Variants in RAB3GAP1 observed in about 807,000 individuals in gnomAD.
RAB3GAP1 encodes the protein RAB3 GTPase activating protein catalytic subunit 1.
A neutral mutation model predicts 130.7 loss-of-function variants in RAB3GAP1; 86 were observed. The observed-to-expected ratio is 0.66, with a 90% CI of 0.55 to 0.79. The LOEUF (loss-of-function observed/expected upper bound fraction) is 0.79, where lower values mean the gene tolerates loss of function less well. RAB3GAP1 is among the 30% of genes least tolerant of loss of function. The probability of loss-of-function intolerance (pLI) is 0.00; values close to 1 mark genes in which losing one functional copy is unlikely to be tolerated. For synonymous variants in RAB3GAP1, 367 were observed against 401.7 expected (o/e 0.91, Z 1.03); for missense variants, 1,029 against 1,169.4 (o/e 0.88, Z 1.75).
At position 135,151,414 on chromosome 2, in the gene RAB3GAP1, A is replaced by G. The variant is rs535001575; in HGVS notation, c.2061+908A>G. 1.8e-4 allele frequency among the ~76,000 whole-genome samples: 27 copies of G among 152,300 alleles called. No individual in the cohort carries two copies. The South Asian group carries it at 5.4e-3, about 30-fold the overall frequency. On this transcript the variant is annotated intron_variant, in intron 18 of 23. Coordinates refer to ENST00000264158, the MANE Select transcript of RAB3GAP1 (RefSeq NM_012233.3). Reference sequence around the variant, plus strand: ...TGATTTTTCTCTGAAACACCTGTGTATTATTTTTAAACATAAACACTCCAC... The same window carrying G: ...TGATTTTTCTCTGAAACACCTGTGTGTTATTTTTAAACATAAACACTCCAC...
At chr2:135,113,835 G>T (rs1047099082) in intron 6 of RAB3GAP1, among the ~76,000 whole-genome samples, 1 of 152,006 alleles carries the variant, frequency 6.6e-6, no homozygotes, top group African/African-American at 2.4e-5. Flanking sequence ...CACCTCCTGA[G>T]TTCAAGCGAC....
At chr2:135,060,321 A>G (rs929775372) in intron 3 of RAB3GAP1, among the ~76,000 whole-genome samples, 1 of 142,264 alleles carries the variant, frequency 7.0e-6, no homozygotes, top group Non-Finnish European at 1.5e-5. Flanking sequence ...GTGCAGTGAC[A>G]TGATCTCAGC....
intron 2 of RAB3GAP1, among the ~76,000 whole-genome samples, chr2:135,054,792 G>A (rs1179909295): frequency 6.6e-6 from 1 of 152,140 alleles, no homozygotes; most frequent in East Asian, 1.9e-4. Context: ...ACCGTTATAA[G>A]AACTATTGCA....
intron 2 of RAB3GAP1, among the ~76,000 whole-genome samples, chr2:135,054,784 C>T (rs1030289731): frequency 5.9e-5 from 9 of 152,000 alleles, no homozygotes; most frequent in Admixed American, 2.0e-4. Flanking sequence ...TTATTAACAC[C>T]GTTATAAGAA....
intron 5 of RAB3GAP1, among the ~76,000 whole-genome samples, chr2:135,103,034 G>GCTTTTTTTT (rs1355666279): frequency 1.0e-5 from 1 of 100,462 alleles, no homozygotes; most frequent in African/African-American, 6.8e-5. Context: ...TCATTTTTGT[G>GCTTTTTTTT]ATTTTTTTTT....
At chr2:135,140,187 A>G (rs868471940) in intron 17 of RAB3GAP1, among the ~76,000 whole-genome samples, 58 of 152,218 alleles carry the variant, frequency 3.8e-4, no homozygotes, top group African/African-American at 1.4e-3. Context: ...GCTAATATGA[A>G]TAAAGCTGCT....
At chr2:135,155,093 C>G (rs1429683944) in intron 19 of RAB3GAP1, among the ~76,000 whole-genome samples, 2 of 152,044 alleles carry the variant, frequency 1.3e-5, no homozygotes, top group African/African-American at 4.8e-5. Flanking sequence ...CAAACTGAAT[C>G]AGATATCCTC....
chr2:135,162,862 T>C lies in RAB3GAP1; in HGVS notation c.2490+11T>C. ...GACAAGAAATTGGAAGTAAGTTTGA[T>C]GTAGTGTCAGAATCTTGCCAAGTGT... On this transcript the variant is annotated intron_variant, in intron 21 of 23. Transcript: ENST00000264158. 1 of 1,602,138 alleles carries C rather than the reference T, an allele frequency of 6.2e-7. No individual in the cohort carries two copies. Among genetic ancestry groups the C allele is most frequent in the Non-Finnish European group, 8.6e-7 (1 of 1,169,128 alleles).
chr2:135,124,082 GC>G, intron 8 of RAB3GAP1, 82 bp from the exon 9 acceptor site: 1 of 1,312,534 alleles, frequency 7.6e-7, no homozygotes, highest in East Asian at 2.3e-5. Flanking sequence ...CACTTTTAAA[GC>G]TATGATATTC....
intron 3 of RAB3GAP1, among the ~76,000 whole-genome samples, chr2:135,081,351 TATATATATATACACAC>T (rs1689808593): frequency 1.1e-5 from 1 of 94,662 alleles, no homozygotes; most frequent in South Asian, 4.7e-4. Flanking sequence ...TATATATATA[TATATATATATACACAC>T]ACGTGTGTGT....
intron 5 of RAB3GAP1, 78 bp from the exon 6 acceptor site, chr2:135,113,073 T>A: frequency 6.3e-7 from 1 of 1,596,444 alleles, no homozygotes; most frequent in Non-Finnish European, 8.6e-7. Flanking sequence ...TGTAGTGAAA[T>A]TTTTTTGTGC....
At chr2:135,066,287 G>A (rs1689321386) in intron 3 of RAB3GAP1, among the ~76,000 whole-genome samples, 1 of 152,104 alleles carries the variant, frequency 6.6e-6, no homozygotes, top group Non-Finnish European at 1.5e-5. Context: ...TGACAAAGCT[G>A]CTTTGCCATT....
chr2:135,070,656 C>T (rs1187347923), intron 3 of RAB3GAP1, among the ~76,000 whole-genome samples: 1 of 152,066 alleles, frequency 6.6e-6, no homozygotes, highest in Admixed American at 6.5e-5. Flanking sequence ...TACAGGTGCC[C>T]ACCATCACGC....
At chr2:135,175,840 A>G (rs748879893) in intron 24 of RAB3GAP1, among the ~76,000 whole-genome samples, 29 of 152,246 alleles carry the variant, frequency 1.9e-4, no homozygotes, top group Non-Finnish European at 3.1e-4. Context: ...GTAGAGAGCT[A>G]CTGATAAATT....
chr2:135,104,304 G>T (rs892706783), intron 5 of RAB3GAP1, among the ~76,000 whole-genome samples: 1 of 152,060 alleles, frequency 6.6e-6, no homozygotes, highest in African/African-American at 2.4e-5. Context: ...ACAGAATATG[G>T]TCTTGCTACA....
intron 19 of RAB3GAP1, among the ~76,000 whole-genome samples, chr2:135,154,714 C>A (rs1692262523): frequency 6.6e-6 from 1 of 152,078 alleles, no homozygotes; most frequent in South Asian, 2.1e-4. Context: ...GTTCACAGCA[C>A]TTGCCACAGG....
At chr2:135,061,576 G>A (rs914620150) in intron 3 of RAB3GAP1, among the ~76,000 whole-genome samples, 1 of 151,984 alleles carries the variant, frequency 6.6e-6, no homozygotes, top group African/African-American at 2.4e-5. Context: ...GCATTTATTA[G>A]CCATTTGTTT....
At chr2:135,142,772 C>T (rs1691880154) in intron 17 of RAB3GAP1, among the ~76,000 whole-genome samples, 1 of 151,742 alleles carries the variant, frequency 6.6e-6, no homozygotes, top group Non-Finnish European at 1.5e-5. Flanking sequence ...ATTTTATTCT[C>T]CCTTATTCCA....
At chr2:135,139,341 G>A (rs1456055116) in intron 17 of RAB3GAP1, among the ~76,000 whole-genome samples, 1 of 152,038 alleles carries the variant, frequency 6.6e-6, no homozygotes, top group African/African-American at 2.4e-5. Flanking sequence ...AAAAGTTCAA[G>A]ACCAGCCTGA....
Sources: allele counts gnomAD v4.1 joint callset (sites outside exome capture counted in the v4.1 genomes callset), GRCh38; gene constraint gnomAD v4.1.1; transcripts MANE v1.5; gene names NCBI Gene and HGNC (gene_info 2026-07-23, HGNC 2026-07-21).